CSMD1: variants seen among roughly 807,000 people sequenced by gnomAD.
CSMD1 encodes the protein CUB and sushi domain-containing protein 1.
Under a neutral mutation model 417.5 loss-of-function variants are expected in CSMD1, and 213 were observed. That is an observed-to-expected ratio of 0.51 (90% CI 0.46 to 0.57). The LOEUF is 0.57. CSMD1 is among the 20% of genes least tolerant of loss of function. CSMD1 has a pLI of 0.00. For synonymous variants in CSMD1, 2,862 were observed against 1,736.8 expected, an observed-to-expected ratio of 1.65 and a Z score of -16.11; for missense variants, 6,923 against 4,529.7, an observed-to-expected ratio of 1.53 and a Z score of -15.17.
At chr8:4,058,938 G>T (rs781018797) in intron 3 of CSMD1, among the ~76,000 whole-genome samples, 1 of 151,888 alleles carries the variant, frequency 6.6e-6, no homozygotes, top group South Asian at 2.1e-4. Flanking sequence ...TGCACCAAGC[G>T]GGCCTAACAG....
chr8:3,556,334 A>C (rs1384210263), intron 10 of CSMD1, among the ~76,000 whole-genome samples: 5 of 148,082 alleles, frequency 3.4e-5, no homozygotes, highest in Non-Finnish European at 7.4e-5. Context: ...TATGTCCATG[A>C]GTTCAATTGA....
At chr8:3,474,122 C>G (rs922169334) in intron 11 of CSMD1, among the ~76,000 whole-genome samples, 1 of 152,156 alleles carries the variant, frequency 6.6e-6, no homozygotes, top group Non-Finnish European at 1.5e-5. Flanking sequence ...TCATATCAAT[C>G]AGGTTGGCAT....
At chr8:4,682,044 G>A (rs1806083572) in intron 1 of CSMD1, among the ~76,000 whole-genome samples, 1 of 152,020 alleles carries the variant, frequency 6.6e-6, no homozygotes, top group Admixed American at 6.6e-5. Context: ...TTTGAGACAG[G>A]GTCTCACTCT....
intron 37 of CSMD1, among the ~76,000 whole-genome samples, chr8:3,172,279 G>C (rs1308469948): frequency 6.6e-6 from 1 of 151,974 alleles, no homozygotes; most frequent in Non-Finnish European, 1.5e-5. Flanking sequence ...AAATGTGCTG[G>C]GTTCTTTTCC....
At chr8:3,997,699 A>C (rs113347635) in intron 5 of CSMD1, among the ~76,000 whole-genome samples, 3 of 152,308 alleles carry the variant, frequency 2.0e-5, no homozygotes, top group East Asian at 1.9e-4. Context: ...CCCGAGCTCC[A>C]AACACCAGCA....
intron 7 of CSMD1, among the ~76,000 whole-genome samples, chr8:3,643,270 A>G (rs1225641242): frequency 6.6e-6 from 1 of 152,150 alleles, no homozygotes; most frequent in African/African-American, 2.4e-5. Context: ...TTCCAAAAGT[A>G]GCCAAAGAGA....
chr8:3,499,609 C>A (rs927418012), intron 10 of CSMD1, among the ~76,000 whole-genome samples: 2 of 152,038 alleles, frequency 1.3e-5, no homozygotes, highest in Non-Finnish European at 2.9e-5. Flanking sequence ...AAGAATTCAG[C>A]TCTCAGGGTC....
At chr8:3,802,745 A>C (rs1478537949) in intron 5 of CSMD1, among the ~76,000 whole-genome samples, 5 of 152,210 alleles carry the variant, frequency 3.3e-5, no homozygotes, top group Non-Finnish European at 5.9e-5. Flanking sequence ...ACATCCCAAA[A>C]GCGTGATGCA....
At chr8:4,833,016 T>A (rs1005821175) in intron 1 of CSMD1, among the ~76,000 whole-genome samples, 1 of 152,186 alleles carries the variant, frequency 6.6e-6, no homozygotes, top group Non-Finnish European at 1.5e-5. Context: ...GGACCGACCT[T>A]CATCACTTCA....
intron 3 of CSMD1, among the ~76,000 whole-genome samples, chr8:4,347,359 C>G (rs999488701): frequency 6.6e-6 from 1 of 152,104 alleles, no homozygotes; most frequent in Non-Finnish European, 1.5e-5. Flanking sequence ...ATAATCGATA[C>G]TCTCTGCTCT....
At chr8:4,556,350 T>C (rs1798086700) in intron 2 of CSMD1, among the ~76,000 whole-genome samples, 1 of 152,176 alleles carries the variant, frequency 6.6e-6, no homozygotes, top group Admixed American at 6.5e-5. Context: ...TTTAAGGTTA[T>C]GAAGATGTCC....
intron 3 of CSMD1, among the ~76,000 whole-genome samples, chr8:4,361,348 T>G (rs767994694): frequency 6.6e-6 from 1 of 151,844 alleles, no homozygotes; most frequent in Non-Finnish European, 1.5e-5. Flanking sequence ...ATATCTGCAG[T>G]CATCTGTGAT....
chr8:4,108,273 T>G (rs1027900404), intron 3 of CSMD1, among the ~76,000 whole-genome samples: 1 of 152,222 alleles, frequency 6.6e-6, no homozygotes, highest in Non-Finnish European at 1.5e-5. Context: ...TCAAATGCTG[T>G]TGAATGATCT....
At chr8:3,332,688 C>T (rs1046784532) in intron 23 of CSMD1, among the ~76,000 whole-genome samples, 3 of 151,562 alleles carry the variant, frequency 2.0e-5, no homozygotes, top group Admixed American at 6.5e-5. Flanking sequence ...TGTGTGCGTG[C>T]GCACACACAC....
At chr8:4,111,848 G>C (rs956900071) in intron 3 of CSMD1, among the ~76,000 whole-genome samples, 1 of 152,074 alleles carries the variant, frequency 6.6e-6, no homozygotes, top group African/African-American at 2.4e-5. Context: ...GGGTTGATAG[G>C]TGCCGCAAAC....
intron 52 of CSMD1, among the ~76,000 whole-genome samples, chr8:3,015,666 G>A (rs78833082): frequency 0.036 from 5,458 of 151,864 alleles, 132 homozygotes; most frequent in African/African-American, 0.073. Context: ...CCCACTACAA[G>A]TATCTCGTTT....
intron 1 of CSMD1, among the ~76,000 whole-genome samples, chr8:4,657,368 C>A (rs1804297843): frequency 6.6e-6 from 1 of 152,108 alleles, no homozygotes; most frequent in African/African-American, 2.4e-5. Context: ...TTTTGTATTT[C>A]CTTTCTGCCT....
intron 12 of CSMD1, among the ~76,000 whole-genome samples, chr8:3,423,276 G>C (rs1312829439): frequency 6.6e-6 from 1 of 152,098 alleles, no homozygotes; most frequent in Non-Finnish European, 1.5e-5. Flanking sequence ...CCAAAATCAT[G>C]GTATGGAGGC....
chr8:3,812,625 C>T (rs1463613201), intron 5 of CSMD1, among the ~76,000 whole-genome samples: 2 of 152,238 alleles, frequency 1.3e-5, no homozygotes, highest in East Asian at 1.9e-4. Flanking sequence ...AATACATTGA[C>T]TGACAAATCT....
Sources: allele counts gnomAD v4.1 joint callset (sites outside exome capture counted in the v4.1 genomes callset), GRCh38; gene constraint gnomAD v4.1.1; transcripts MANE v1.5; gene names NCBI Gene and HGNC (gene_info 2026-07-23, HGNC 2026-07-21).